IGF2R: variants seen among roughly 807,000 people sequenced by gnomAD.
IGF2R encodes the protein cation-independent mannose-6-phosphate receptor.
IGF2R carries 91 observed loss-of-function variants against 270.6 expected under a neutral mutation model. The ratio of observed to expected loss-of-function variants is 0.34; its 90% CI spans 0.28 to 0.40. The LOEUF (loss-of-function observed/expected upper bound fraction) is 0.40, where lower values mean the gene tolerates loss of function less well. Among genes scored for constraint, IGF2R ranks in the 10% least tolerant of loss-of-function variants. IGF2R has a pLI of 1.00. For synonymous variants in IGF2R, 1,316 were observed against 1,258.9 expected, an observed-to-expected ratio of 1.05 and a Z score of -0.96; for missense variants, 2,805 against 3,188.3, an observed-to-expected ratio of 0.88 and a Z score of 2.90.
In IGF2R at chr6:159,970,805, G is replaced by A. The variant is rs553882172; in HGVS notation, c.149+1410G>A. Among the ~76,000 whole-genome samples the A allele has an allele frequency of 3.8e-4, 58 of 152,338 alleles. 1 individual carries two copies. The South Asian group carries it at 0.01, about 27-fold the overall frequency. ...AAATAAGAAATTAACTCGCCTGGGC[G>A]CGGTGGCTCATGCCCGGAATCCAGC... On this transcript the variant is annotated intron_variant, in intron 1 of 47. Coordinates refer to ENST00000356956, the MANE Select transcript of IGF2R (RefSeq NM_000876.4).
Position 160,089,997 on chromosome 6 carries a change from C to T in IGF2R, c.6549C>T (p.Ser2183=). ...YEIQLSSITS[S]RNPACSGANI... ...TCCAACTTTCCTCCATCACAAGCTC[C>T]AGAAACCCGGCGTGCTCTGGAGCCA... The change falls in exon 44 of 48, where the codon TCC becomes TCT. Residue 2183 remains serine, a synonymous_variant. Transcript: ENST00000356956. The T allele has an allele frequency of 6.2e-7, 1 of 1,607,482 alleles. No individual in the cohort carries two copies.
At chr6:160,009,232 C>T (rs1434367454) in intron 3 of IGF2R, 98 bp downstream of exon 3, 3 of 1,053,022 alleles carry the variant, frequency 2.8e-6, no homozygotes, top group Non-Finnish European at 4.0e-6. Context: ...AATCAGTGAG[C>T]AAACTTAGAA....
At chr6:160,044,092 C>G (rs369098603) in intron 12 of IGF2R, among the ~76,000 whole-genome samples, 30 of 152,212 alleles carry the variant, frequency 2.0e-4, no homozygotes, top group Non-Finnish European at 3.7e-4. Context: ...ATATGAGACA[C>G]ATTCTCACCC....
intron 9 of IGF2R, 134 bp downstream of exon 9, chr6:160,033,241 A>C: frequency 1.6e-6 from 1 of 610,474 alleles, no homozygotes; most frequent in Non-Finnish European, 2.9e-6. Flanking sequence ...GCCTCAAGTA[A>C]TTCTCCCACC....
intron 46 of IGF2R, 60 bp from the exon 47 acceptor site, chr6:160,103,686 G>A (rs1779545146): frequency 8.1e-7 from 1 of 1,234,532 alleles, no homozygotes; most frequent in Non-Finnish European, 1.2e-6. Context: ...TGGCGGGGGT[G>A]GGGCTCCTGC....
chr6:160,099,379 A>AT (rs71542966), intron 45 of IGF2R, among the ~76,000 whole-genome samples: 6 of 146,108 alleles, frequency 4.1e-5, no homozygotes, highest in East Asian at 3.9e-4. Flanking sequence ...ATGTTATGTT[A>AT]TTTTTTTGAG....
intron 47 of IGF2R, 74 bp downstream of exon 47, chr6:160,103,889 A>G (rs970843186): frequency 9.9e-7 from 1 of 1,014,732 alleles, no homozygotes; most frequent in Admixed American, 1.8e-5. Flanking sequence ...TGTCGTTCTC[A>G]TCAGGGGTGC....
intron 29 of IGF2R, among the ~76,000 whole-genome samples, chr6:160,065,814 G>GTATATATATATATATATATATATATA (rs59035193): frequency 3.8e-5 from 3 of 78,390 alleles, no homozygotes; most frequent in African/African-American, 5.6e-5. Context: ...GTGTGTGTGT[G>GTATATATATATATATATATATATATA]TATATATATA....
chr6:160,027,576 C>T (rs779089237), intron 6 of IGF2R, among the ~76,000 whole-genome samples: 29 of 152,204 alleles, frequency 1.9e-4, no homozygotes, highest in Non-Finnish European at 3.4e-4. Context: ...GTATTTGCCT[C>T]ATGAAATAAT....
chr6:160,005,288 G>C (rs1361513974), intron 2 of IGF2R: 1 of 152,750 alleles, frequency 6.5e-6, no homozygotes, highest in African/African-American at 2.4e-5. Context: ...CTTGGGGTCT[G>C]CAGTGCTGGG....
chr6:159,984,160 G>T (rs895402600), intron 1 of IGF2R, among the ~76,000 whole-genome samples: 5 of 152,214 alleles, frequency 3.3e-5, no homozygotes, highest in Admixed American at 3.3e-4. Flanking sequence ...TACGATATAA[G>T]TAGTATCCAT....
intron 44 of IGF2R, chr6:160,093,548 C>G (rs1583303929): frequency 3.1e-6 from 2 of 636,052 alleles, no homozygotes; most frequent in Non-Finnish European, 5.9e-6. Flanking sequence ...AAGGAGAGAA[C>G]AGGACGATTT....
intron 2 of IGF2R, among the ~76,000 whole-genome samples, chr6:160,001,274 G>A (rs1784126397): frequency 6.6e-6 from 1 of 151,978 alleles, no homozygotes; most frequent in South Asian, 2.1e-4. Context: ...ACCCTATTGT[G>A]AACTGCACAT....
At chr6:160,009,280 A>C (rs916364093) in intron 3 of IGF2R, 146 bp downstream of exon 3, 2 of 633,538 alleles carry the variant, frequency 3.2e-6, no homozygotes, top group Non-Finnish European at 5.2e-6. Context: ...GACCATCATC[A>C]TCAAGAACCA....
intron 36 of IGF2R, among the ~76,000 whole-genome samples, chr6:160,076,797 A>T (rs868113318): frequency 6.6e-6 from 1 of 151,952 alleles, no homozygotes; most frequent in Admixed American, 6.6e-5. Flanking sequence ...GTGGATATTG[A>T]TACATCTAGC....
intron 4 of IGF2R, among the ~76,000 whole-genome samples, chr6:160,011,069 T>C (rs1322168425): frequency 6.6e-6 from 1 of 152,190 alleles, no homozygotes; most frequent in Non-Finnish European, 1.5e-5. Context: ...GCTGTGCAAC[T>C]CAGTAAACTA....
rs8191869 is a variant in IGF2R, at chr6:160,068,372, G to C, written c.4239G>C (p.Pro1413=). ...TCAATGTCTGCAAGTCTCTGGCCCC[G>C]CAGGCTGGCACTGGTGAGAGAGGGC... ...YLINVCKSLA[P]QAGTEPCPPE... Residue 1413 remains proline (P), a synonymous_variant, in exon 30 of 48, where the codon CCG becomes CCC. Transcript: ENST00000356956. 4 of 1,613,870 alleles carry C rather than the reference G, an allele frequency of 2.5e-6. No individual in the cohort carries two copies. The African/African-American group carries it at 5.3e-5, about 22-fold the overall frequency.
At chr6:160,044,092 C>T (rs369098603) in intron 12 of IGF2R, among the ~76,000 whole-genome samples, 2 of 152,212 alleles carry the variant, frequency 1.3e-5, no homozygotes, top group African/African-American at 4.8e-5. Context: ...ATATGAGACA[C>T]ATTCTCACCC....
At chr6:160,085,172 A>G (rs775432805) in intron 41 of IGF2R, 41 bp downstream of exon 41, 3 of 1,600,794 alleles carry the variant, frequency 1.9e-6, no homozygotes, top group Non-Finnish European at 2.6e-6. Context: ...AAGGAGCAGC[A>G]TCTGAACCGG....
Sources: gnomAD v4.1 joint callset for allele counts (sites outside exome capture counted in the v4.1 genomes callset) on GRCh38, gnomAD v4.1.1 for gene constraint, MANE v1.5 for transcripts, NCBI Gene and HGNC (gene_info 2026-07-23, HGNC 2026-07-21) for gene names.